PTCH1: variants seen among roughly 807,000 people sequenced by gnomAD.
The protein encoded by PTCH1 is patched 1, also known as protein patched homolog 1.
PTCH1 carries 14 observed loss-of-function variants against 144.6 expected under a neutral mutation model. The observed-to-expected ratio is 0.10, with a 90% CI of 0.06 to 0.15. The LOEUF is 0.15. Among genes scored for constraint, PTCH1 ranks in the 10% least tolerant of loss-of-function variants. The pLI, the probability that PTCH1 is intolerant of heterozygous loss-of-function variation, is 1.00. For synonymous variants in PTCH1, 833 were observed against 793.6 expected (o/e 1.05, Z -0.83); for missense variants, 1,623 against 1,948.3 (o/e 0.83, Z 3.14).
chr9:95,507,411 C>T (rs778504682), intron 1 of PTCH1: 2 of 985,414 alleles, frequency 2.0e-6, no homozygotes, highest in Non-Finnish European at 2.4e-6. Flanking sequence ...TCTGGGTGCT[C>T]GCCTTCCCTG....
chr9:95,477,731 C>A (rs775607443), intron 9 of PTCH1, 29 bp from the exon 10 acceptor site: 1 of 1,613,210 alleles, frequency 6.2e-7, no homozygotes, highest in Non-Finnish European at 8.5e-7. Context: ...GGGCACAGAA[C>A]AAAAGCCGAA....
chr9:95,463,095 G>C (rs971903310), intron 15 of PTCH1, among the ~76,000 whole-genome samples: 3 of 151,756 alleles, frequency 2.0e-5, no homozygotes, highest in Admixed American at 1.3e-4. Flanking sequence ...TACATGTATG[G>C]GTTGGACACG....
At chr9:95,507,464 G>A (rs1488267154) in intron 1 of PTCH1, 4 of 982,364 alleles carry the variant, frequency 4.1e-6, no homozygotes, top group Admixed American at 6.2e-5. Context: ...CAATGAACCC[G>A]GCAGCTCCGC....
chr9:95,453,525 C>A lies in PTCH1; in HGVS notation c.3402G>T (p.Leu1134=). The A allele has an allele frequency of 6.2e-7, 1 of 1,614,202 alleles. No individual in the cohort carries two copies. The highest frequency in any genetic ancestry group is 8.5e-7 in the Non-Finnish European group (1 of 1,180,052). Residue 1134 remains leucine, a synonymous_variant, in exon 20 of 24, where the codon CTG becomes CTT. Transcript: ENST00000331920. ...ATCCCGCCAGCATCAGCACTCCCAG[C>A]AGAGTGGACACGGCGCCATCCAGGA... ...APVLDGAVST[L]LGVLMLAGSE... is the part of the protein sequence containing the mutation.
At chr9:95,485,937 T>C in intron 2 of PTCH1, 63 bp from the exon 3 acceptor site, 1 of 1,564,604 alleles carries the variant, frequency 6.4e-7, no homozygotes, top group Admixed American at 1.7e-5. Context: ...GTTTTATCTG[T>C]TATCTGACTA....
intron 2 of PTCH1, among the ~76,000 whole-genome samples, chr9:95,492,336 G>A (rs1179559490): frequency 7.9e-5 from 12 of 152,218 alleles, no homozygotes; most frequent in Admixed American, 6.5e-4. Flanking sequence ...TGGTAAGTAC[G>A]TAGGTGTGAA....
chr9:95,449,880 C>G lies in PTCH1; in HGVS notation c.3510G>C (p.Leu1170Phe). Residue 1170 changes from leucine (L) to phenylalanine (F), a missense_variant, in exon 21 of 24, where the codon TTG (leucine) becomes TTC (phenylalanine). By Grantham distance (22) the Leu-to-Phe change is conservative. Coordinates refer to ENST00000331920, the MANE Select transcript of PTCH1 (RefSeq NM_000264.5). This position sits in a 1 kb window ranked among gnomAD's most constrained non-coding sequence, Gnocchi z 5.3. The part of the protein sequence containing the change: ...TILGVLNGLV[L>F]LPVLLSFFGP... Reference sequence around the variant, plus strand: ...CAAAGAAAGACAAAAGCACGGGAAGCAAAACCAGCCCATTGAGAACGCCGA... The same window carrying G: ...CAAAGAAAGACAAAAGCACGGGAAGGAAAACCAGCCCATTGAGAACGCCGA... 2 of 1,614,178 alleles carry G rather than the reference C, an allele frequency of 1.2e-6. No individual in the cohort carries two copies. The highest frequency in any genetic ancestry group is 1.7e-6 in the Non-Finnish European group (2 of 1,180,022).
chr9:95,458,589 CT>C lies in PTCH1; in HGVS notation c.2888-297del. 6.6e-6 allele frequency among the ~76,000 whole-genome samples: 1 copy of C among 152,262 alleles called. No homozygotes were observed. Among genetic ancestry groups the C allele is most frequent in the African/African-American group, 2.4e-5 (1 of 41,542 alleles). On this transcript the variant is annotated intron_variant, in intron 17 of 23. Coordinates refer to ENST00000331920, the MANE Select transcript of PTCH1 (RefSeq NM_000264.5). This position sits in a 1 kb window ranked among gnomAD's most constrained non-coding sequence, Gnocchi z 4.7. ...CATTTTGGGAACATTTTTTTGTTCC[CT>C]TGACACATATGAAAATACCAAGTTC...
rs1268572514 is a variant in PTCH1, at chr9:95,469,026, G to C, written c.1975C>G (p.Gln659Glu). The C allele has an allele frequency of 1.9e-6, 3 of 1,614,074 alleles. No homozygotes were observed. The Admixed American group carries it at 5.0e-5, about 27-fold the overall frequency. The change falls in exon 14 of 24, where the codon CAG (glutamine) becomes GAG (glutamate). Residue 659 changes from glutamine to glutamate, a missense_variant. Coordinates refer to ENST00000331920, the MANE Select transcript of PTCH1 (RefSeq NM_000264.5). ...SFAHETQITM[Q>E]STVQLRTEYD... ...TCCGTGCGGAGCTGGACAGTGGACT[G>C]CATGGTAATCTGCGTTTCATGGGCA...
Position 95,449,604 on chromosome 9 carries a change from TG to T in PTCH1, c.3549+236del. ...TCTCAAGGGGAAAGTCTTCATTTAC[TG>T]TATAAAGATCTGTAAGACCCAGGCT... On this transcript the variant is annotated intron_variant, in intron 21 of 23. Coordinates refer to ENST00000331920, the MANE Select transcript of PTCH1 (RefSeq NM_000264.5). The surrounding 1 kb of genome is among the most constrained non-coding windows in gnomAD (Gnocchi z 5.3). 1.6e-6 allele frequency: 1 copy of T among 638,400 alleles called. No homozygotes were observed. Among genetic ancestry groups the T allele is most frequent in the East Asian group, 2.7e-5 (1 of 36,664 alleles). 39.5% of individuals were successfully genotyped at this position (638,400 alleles called of 1,614,324 possible).
intron 20 of PTCH1, chr9:95,451,834 A>C (rs1201970440): frequency 1.3e-5 from 2 of 152,256 alleles, no homozygotes; most frequent in Non-Finnish European, 2.9e-5. Context: ...ACAAAGGAAA[A>C]GCTAAAATCA....
chr9:95,454,984 TG>T (rs542656600), intron 19 of PTCH1, among the ~76,000 whole-genome samples: 93 of 152,348 alleles, frequency 6.1e-4, no homozygotes, highest in African/African-American at 2.2e-3. Context: ...AAATAACTTA[TG>T]GATTCTTAAC....
intron 2 of PTCH1, among the ~76,000 whole-genome samples, chr9:95,496,725 T>C (rs1171824955): frequency 6.6e-6 from 1 of 152,190 alleles, no homozygotes; most frequent in African/African-American, 2.4e-5. Flanking sequence ...GTATCATATT[T>C]ATCATTTTTT....
At chr9:95,494,701 G>A (rs187793597) in intron 2 of PTCH1, among the ~76,000 whole-genome samples, 20 of 152,266 alleles carry the variant, frequency 1.3e-4, no homozygotes, top group Admixed American at 1.1e-3. Flanking sequence ...GCAGCAGCAG[G>A]CAGCAGAACC....
chr9:95,447,334 T>TG lies in PTCH1; in HGVS notation c.3921dup (p.Arg1308GlnfsTer17), dbSNP rs761353734. Reference sequence around the variant, plus strand: ...TAGGGGGGTGGCCACAAGCCTTCTCTGGGGGGGTCCCTGCGGGGCTGCTGG... The same window carrying TG: ...TAGGGGGGTGGCCACAAGCCTTCTCTGGGGGGGGTCCCTGCGGGGCTGCTGG... On this transcript the variant is annotated frameshift_variant, in exon 23 of 24. Transcript: ENST00000331920. LOFTEE classifies it high-confidence loss of function. The TG allele has an allele frequency of 3.7e-6, 6 of 1,611,810 alleles. No individual in the cohort carries two copies. The highest frequency in any genetic ancestry group is 4.2e-6 in the Non-Finnish European group (5 of 1,178,806).
rs778453806 is a variant in PTCH1 at position 95,480,608 on chromosome 9, A to G, written c.747-20T>C. ...TTACCTCTGCAAAAGAAATTAGGAG[A>G]CGAGACCATGAAAAGAGCCTTCTAA... On this transcript the variant is annotated intron_variant, in intron 5 of 23. Transcript: ENST00000331920. The G allele has an allele frequency of 1.1e-5, 18 of 1,605,632 alleles. No individual in the cohort carries two copies. Among genetic ancestry groups the G allele is most frequent in the Non-Finnish European group, 1.5e-5 (18 of 1,172,626 alleles).
At chr9:95,469,691 C>T (rs542087435) in intron 13 of PTCH1, 122 bp downstream of exon 13, 14 of 998,758 alleles carry the variant, frequency 1.4e-5, no homozygotes, top group East Asian at 4.8e-5. Context: ...CTCTCCCCTA[C>T]GTTCTCCACA....
chr9:95,453,396 C>A, intron 20 of PTCH1, 82 bp downstream of exon 20: 1 of 1,597,996 alleles, frequency 6.3e-7, no homozygotes. Flanking sequence ...TCCTAAAGTG[C>A]TGGGATTACA....
intron 12 of PTCH1, 40 bp downstream of exon 12, chr9:95,475,994 C>G: frequency 3.1e-6 from 5 of 1,612,108 alleles, no homozygotes; most frequent in Non-Finnish European, 4.2e-6. Context: ...AGTCAGTGCC[C>G]CGTTCAGGAT....
Sources: allele counts gnomAD v4.1 joint callset (sites outside exome capture counted in the v4.1 genomes callset), GRCh38; gene constraint gnomAD v4.1.1; non-coding constraint Gnocchi (gnomAD v3.1); transcripts MANE v1.5; gene names NCBI Gene and HGNC (gene_info 2026-07-23, HGNC 2026-07-21).